The following AK5 variants were observed in gnomAD, a reference collection of about 807,000 sequenced individuals.
AK5 encodes adenylate kinase 5.
Under a neutral mutation model 69.5 loss-of-function variants are expected in AK5, and 27 were observed. The ratio of observed to expected loss-of-function variants is 0.39; its 90% CI spans 0.29 to 0.54. The LOEUF is 0.54. Among genes scored for constraint, AK5 ranks in the 20% least tolerant of loss-of-function variants. The pLI is 0.71. For synonymous variants in AK5, 260 were observed against 244.4 expected (o/e 1.06, Z -0.60); for missense variants, 531 against 700.4 (o/e 0.76, Z 2.73).
chr1:77,362,529 C>CA (rs1379485099), intron 6 of AK5, among the ~76,000 whole-genome samples: 2 of 151,926 alleles, frequency 1.3e-5, no homozygotes, highest in Non-Finnish European at 2.9e-5. Flanking sequence ...TATTGTATAC[C>CA]AAAAAACCCA....
At chr1:77,423,466 C>G (rs542855420) in intron 8 of AK5, among the ~76,000 whole-genome samples, 2 of 152,168 alleles carry the variant, frequency 1.3e-5, no homozygotes, top group Admixed American at 6.5e-5. Context: ...AGTTGCTGCT[C>G]TATCCTAACA....
At chr1:77,503,088 G>A (rs1224698071) in intron 10 of AK5, among the ~76,000 whole-genome samples, 2 of 152,122 alleles carry the variant, frequency 1.3e-5, no homozygotes, top group Non-Finnish European at 2.9e-5. Context: ...CAATATTTAG[G>A]CATTTCTGTC....
In AK5 at chr1:77,535,985, C is replaced by T. The variant is rs763224649; in HGVS notation, c.1567C>T (p.Arg523Ter). ...TIAKRLEAYY[R>*]ASIPVIAYYE... ...CGCCAAGCGCCTAGAAGCCTACTAC[C>T]GAGCGTCCATCCCCGTGATCGCCTA... The change falls in exon 13 of 14, where the codon CGA becomes TGA. Residue 523 changes from arginine to a stop codon, truncating the protein, a stop_gained. Coordinates refer to ENST00000354567, the MANE Select transcript of AK5 (RefSeq NM_174858.3). LOFTEE classifies it high-confidence loss of function. The T allele has an allele frequency of 2.5e-6, 4 of 1,613,974 alleles. No individual in the cohort carries two copies. The highest frequency in any genetic ancestry group is 3.4e-6 in the Non-Finnish European group (4 of 1,180,006).
chr1:77,287,190 A>T, intron 2 of AK5, 63 bp downstream of exon 2: 1 of 1,197,260 alleles, frequency 8.4e-7, no homozygotes, highest in Non-Finnish European at 1.1e-6. Context: ...AAAACATGCC[A>T]TATAGACTAT....
intron 7 of AK5, among the ~76,000 whole-genome samples, chr1:77,413,920 C>A (rs1157034403): frequency 1.3e-5 from 2 of 152,320 alleles, no homozygotes; most frequent in Non-Finnish European, 2.9e-5. Context: ...TCAAAGAGTT[C>A]TAGTCCCAAA....
At chr1:77,359,984 A>C (rs1646834902) in intron 6 of AK5, among the ~76,000 whole-genome samples, 1 of 152,194 alleles carries the variant, frequency 6.6e-6, no homozygotes, top group African/African-American at 2.4e-5. Context: ...GGGACCAAGT[A>C]GAGTTTACCA....
chr1:77,522,838 G>C (rs1658069315), intron 12 of AK5, among the ~76,000 whole-genome samples: 1 of 152,110 alleles, frequency 6.6e-6, no homozygotes, highest in South Asian at 2.1e-4. Context: ...TATTTATAGA[G>C]ATATCTCTTC....
intron 6 of AK5, among the ~76,000 whole-genome samples, chr1:77,342,714 T>G (rs987077326): frequency 2.0e-5 from 3 of 152,212 alleles, no homozygotes; most frequent in Non-Finnish European, 4.4e-5. Flanking sequence ...ACACTTCTGC[T>G]TTTAAAGATG....
At chr1:77,407,825 C>A (rs1303972975) in intron 6 of AK5, among the ~76,000 whole-genome samples, 1 of 152,040 alleles carries the variant, frequency 6.6e-6, no homozygotes, top group Admixed American at 6.6e-5. Flanking sequence ...TTGTTCCCAT[C>A]TTTATCTCCC....
chr1:77,385,846 G>C (rs928007121), intron 6 of AK5, among the ~76,000 whole-genome samples: 4 of 152,166 alleles, frequency 2.6e-5, no homozygotes, highest in African/African-American at 7.2e-5. Flanking sequence ...CACAACCATA[G>C]GAGGTGAAAA....
At chr1:77,433,675 C>T (rs1220663256) in intron 8 of AK5, among the ~76,000 whole-genome samples, 1 of 152,010 alleles carries the variant, frequency 6.6e-6, no homozygotes, top group East Asian at 1.9e-4. Flanking sequence ...TTTACTTTAC[C>T]AAGCAGCTGT....
intron 8 of AK5, among the ~76,000 whole-genome samples, chr1:77,463,114 G>T (rs774469256): frequency 6.6e-6 from 1 of 152,170 alleles, no homozygotes; most frequent in Admixed American, 6.5e-5. Flanking sequence ...ATTTATAGAC[G>T]TTGGAGGGGG....
At chr1:77,321,870 T>C (rs1660552101) in intron 5 of AK5, among the ~76,000 whole-genome samples, 1 of 152,172 alleles carries the variant, frequency 6.6e-6, no homozygotes, top group Admixed American at 6.5e-5. Flanking sequence ...TACATGATTG[T>C]TTACAAAGAA....
intron 6 of AK5, among the ~76,000 whole-genome samples, chr1:77,385,237 G>A (rs567118623): frequency 6.6e-6 from 1 of 152,202 alleles, no homozygotes; most frequent in East Asian, 1.9e-4. Context: ...TCGGCTCACT[G>A]CAAGCTCCGC....
chr1:77,502,391 T>C (rs1656767896), intron 10 of AK5, among the ~76,000 whole-genome samples: 1 of 152,212 alleles, frequency 6.6e-6, no homozygotes. Context: ...AGGACCTGCC[T>C]GGAAGTTGCA....
rs577665514 is a variant in AK5 at position 77,422,409 on chromosome 1, A to G, written c.1059+4694A>G. Among the ~76,000 whole-genome samples, 7 of 152,322 alleles carry G rather than the reference A, an allele frequency of 4.6e-5. No homozygotes were observed. In the South Asian group the frequency reaches 1.5e-3, roughly 32 times the overall value. On this transcript the variant is annotated intron_variant, in intron 8 of 13. Coordinates refer to ENST00000354567, the MANE Select transcript of AK5 (RefSeq NM_174858.3). ...TAAACTGGAAGCTCTTAGAAGATTC[A>G]TAGAAACTTTCAAATCTGAATATGA...
At chr1:77,462,650 C>T (rs539747684) in intron 8 of AK5, among the ~76,000 whole-genome samples, 2 of 152,224 alleles carry the variant, frequency 1.3e-5, no homozygotes, top group South Asian at 2.1e-4. Flanking sequence ...AATACACATG[C>T]TTTCTCACTA....
At chr1:77,302,089 A>G (rs1659372321) in intron 5 of AK5, among the ~76,000 whole-genome samples, 1 of 152,086 alleles carries the variant, frequency 6.6e-6, no homozygotes, top group Non-Finnish European at 1.5e-5. Context: ...TTGTGGAGAC[A>G]GGGGCTCCCT....
Position 77,364,754 on chromosome 1 carries a change from A to C in AK5, c.891+24186A>C, listed in dbSNP as rs1646922599. On this transcript the variant is annotated intron_variant, in intron 6 of 13. Transcript: ENST00000354567. ...TCTGTTGGATGTGTATAGGACATTT[A>C]GTTTATCCATTCGTCTGTTGATGAA... Among the ~76,000 whole-genome samples the C allele has an allele frequency of 2.6e-5, 4 of 152,136 alleles. No individual in the cohort carries two copies. The South Asian group carries it at 8.3e-4, about 31-fold the overall frequency.
Sources: gnomAD v4.1 joint callset for allele counts (sites outside exome capture counted in the v4.1 genomes callset) on GRCh38, gnomAD v4.1.1 for gene constraint, MANE v1.5 for transcripts, NCBI Gene and HGNC (gene_info 2026-07-23, HGNC 2026-07-21) for gene names.